TRPV3: variants seen among roughly 807,000 people sequenced by gnomAD.
TRPV3 encodes transient receptor potential cation channel subfamily V member 3, also known as VRL-3.
A neutral mutation model predicts 87.1 loss-of-function variants in TRPV3; 88 were observed. The observed-to-expected ratio is 1.01, with a 90% CI of 0.85 to 1.21. The LOEUF is 1.21. Among genes scored for constraint, TRPV3 ranks in the 50% most tolerant of loss-of-function variants. The pLI is 0.00. For synonymous variants in TRPV3, 438 were observed against 423.3 expected, an observed-to-expected ratio of 1.03 and a Z score of -0.43; for missense variants, 1,054 against 1,030.1, an observed-to-expected ratio of 1.02 and a Z score of -0.32.
At chr17:3,525,228 C>T (rs1323311729) in intron 12 of TRPV3, among the ~76,000 whole-genome samples, 1 of 152,186 alleles carries the variant, frequency 6.6e-6, no homozygotes, top group Non-Finnish European at 1.5e-5. Flanking sequence ...CCATGTTGGC[C>T]AGGCTGGTCT....
At position 3,554,567 on chromosome 17, in the gene TRPV3, C is replaced by G; in HGVS notation, c.119+165G>C. On this transcript the variant is annotated intron_variant, in intron 2 of 17. Transcript: ENST00000576742. The stretch of plus-strand genomic sequence containing the variant: ...TCAGCCCCCTGAGTGTGCTGTGCTC[C>G]CCACCGCACCATCCCCTAGTCATAC... 5.1e-6 allele frequency: 3 copies of G among 583,306 alleles called. No homozygotes were observed. In the South Asian group the frequency reaches 6.6e-5, roughly 13 times the overall value. The allele number at this position is 583,306 out of a possible 1,614,324, so 36.1% of individuals were successfully genotyped here. A position where few individuals can be genotyped will look rare whatever the true frequency, so the allele number is the denominator to read the frequency against.
Position 3,535,330 on chromosome 17 carries a change from CCTTCCT to C in TRPV3, c.784+237_784+242del, listed in dbSNP as rs2074397424. Among the ~76,000 whole-genome samples the C allele has an allele frequency of 2.3e-5, 3 of 127,908 alleles. No homozygotes were observed. In the South Asian group the frequency reaches 8.6e-4, roughly 37 times the overall value. The allele number at this position is 127,908 out of a possible 152,430, so 83.9% of individuals were successfully genotyped here. On this transcript the variant is annotated intron_variant, in intron 7 of 17. Coordinates refer to ENST00000576742, the MANE Select transcript of TRPV3 (RefSeq NM_145068.4). Reference sequence around the variant, plus strand: ...CCTCTTCCTTTCTCCCTCCTCCCTTCCTTCCTCTCCCTCCTCCCTTCCTTCCTCCCT... The same window carrying C: ...CCTCTTCCTTTCTCCCTCCTCCCTTCCTCCCTCCTCCCTTCCTTCCTCCCT...
At position 3,522,827 on chromosome 17, in the gene TRPV3, A is replaced by C. The variant is rs866367534; in HGVS notation, c.1743+1371T>G. 7.3e-3 allele frequency among the ~76,000 whole-genome samples: 1,117 copies of C among 152,094 alleles called. 14 individuals carry two copies. The highest frequency in any genetic ancestry group is 0.023 in the African/African-American group (968 of 41,492). On this transcript the variant is annotated intron_variant, in intron 13 of 17. Coordinates refer to ENST00000576742, the MANE Select transcript of TRPV3 (RefSeq NM_145068.4). ...GCGAGACTCAGTCACAAACAAAAAA[A>C]AAAAAAAAAAGCAAAAATTATTCTA...
intron 6 of TRPV3, among the ~76,000 whole-genome samples, chr17:3,539,279 GTA>G (rs2074436624): frequency 6.6e-6 from 1 of 151,454 alleles, no homozygotes; most frequent in Non-Finnish European, 1.5e-5. Flanking sequence ...ACTCCACAAA[GTA>G]TATGGGTAAA....
intron 12 of TRPV3, among the ~76,000 whole-genome samples, chr17:3,524,691 G>A (rs548837506): frequency 6.6e-6 from 1 of 151,968 alleles, no homozygotes; most frequent in Non-Finnish European, 1.5e-5. Flanking sequence ...ACCCACACGG[G>A]CCTGGTGTAG....
rs1415701565 is a variant in TRPV3, at chr17:3,518,274, T to C, written c.2085+302A>G. ...CTGTCACCTCCACTGTCCTAGACGC[T>C]GTACTCCTCTTAATGCAACCTAAGG... On this transcript the variant is annotated intron_variant, in intron 15 of 17. Transcript: ENST00000576742. This position sits in a 1 kb window ranked among gnomAD's most constrained non-coding sequence, Gnocchi z 4.3. Among the ~76,000 whole-genome samples the C allele has an allele frequency of 6.6e-6, 1 of 152,216 alleles. No individual in the cohort carries two copies. The highest frequency in any genetic ancestry group is 1.5e-5 in the Non-Finnish European group (1 of 68,036).
chr17:3,529,072 C>T (rs961814636), intron 9 of TRPV3, 77 bp from the exon 10 acceptor site: 6 of 1,539,466 alleles, frequency 3.9e-6, no homozygotes, highest in African/African-American at 1.4e-5. Flanking sequence ...CCTGCGGGAG[C>T]TCTGAGTCAG....
rs758789364 is a variant in TRPV3 at position 3,524,336 on chromosome 17, C to T, written c.1605G>A (p.Leu535=). Residue 535 remains leucine (L), a synonymous_variant, in exon 13 of 18, where the codon CTG becomes CTA. Transcript: ENST00000576742. ...AGGCAAACAAGTACAAGAAGACAGA[C>T]AGTATCACAAGCACAGCTTGGATAA... ...VFFIQAVLVI[L]SVFLYLFAYK... The T allele has an allele frequency of 5.6e-6, 9 of 1,614,236 alleles. No homozygotes were observed. Among genetic ancestry groups the T allele is most frequent in the Admixed American group, 3.3e-5 (2 of 60,018 alleles).
chr17:3,526,492 AAAC>A (rs1322210776), intron 12 of TRPV3, among the ~76,000 whole-genome samples: 1 of 151,780 alleles, frequency 6.6e-6, no homozygotes, highest in Admixed American at 6.6e-5. Flanking sequence ...TAAAAAAAAA[AAAC>A]AACAACGTAA....
At chr17:3,525,673 A>G (rs1263661102) in intron 12 of TRPV3, among the ~76,000 whole-genome samples, 4 of 150,686 alleles carry the variant, frequency 2.7e-5, no homozygotes, top group South Asian at 4.2e-4. Context: ...AGGCTGGAGT[A>G]CAGTGGCATG....
chr17:3,539,468 A>G (rs1244808757), intron 6 of TRPV3: 2 of 152,158 alleles, frequency 1.3e-5, no homozygotes, highest in Admixed American at 1.3e-4. Context: ...CCTGGGCAAC[A>G]TGGTGAAACC....
intron 1 of TRPV3, among the ~76,000 whole-genome samples, chr17:3,555,248 G>A (rs1416240291): frequency 6.6e-6 from 1 of 152,132 alleles, no homozygotes; most frequent in Non-Finnish European, 1.5e-5. Context: ...CTCTCCAGCT[G>A]ACCAGTCCCA....
intron 13 of TRPV3, 34 bp from the exon 14 acceptor site, chr17:3,521,073 T>C: frequency 1.4e-6 from 2 of 1,449,176 alleles, no homozygotes; most frequent in South Asian, 1.2e-5. Flanking sequence ...AAGTGTAAGG[T>C]GCAAGCACAT....
chr17:3,543,345 A>T, intron 5 of TRPV3, 129 bp downstream of exon 5: 2 of 1,255,144 alleles, frequency 1.6e-6, no homozygotes, highest in South Asian at 2.8e-5. Context: ...GTCAAGTTCA[A>T]AGTCCCTAGC....
intron 16 of TRPV3, among the ~76,000 whole-genome samples, 181 bp from the exon 17 acceptor site, chr17:3,514,853 T>C (rs906932432): frequency 1.3e-5 from 2 of 151,920 alleles, no homozygotes; most frequent in Non-Finnish European, 2.9e-5. Context: ...TCTATCCCCA[T>C]CTCCACGTCC....
rs1597461843 is a variant in TRPV3, at chr17:3,513,653, G to A, written c.*264C>T. Reference sequence around the variant, plus strand: ...AGAGGCTTCACCCGGGACTTCAGGAGGCTCCCAGGCTCCAGACTGCTGCTG... The same window carrying A: ...AGAGGCTTCACCCGGGACTTCAGGAAGCTCCCAGGCTCCAGACTGCTGCTG... On this transcript the variant is annotated 3_prime_UTR_variant, in exon 18 of 18. Coordinates refer to ENST00000576742, the MANE Select transcript of TRPV3 (RefSeq NM_145068.4). 1 of 373,472 alleles carries A rather than the reference G, an allele frequency of 2.7e-6. No individual in the cohort carries two copies. Among genetic ancestry groups the A allele is most frequent in the Non-Finnish European group, 4.8e-6 (1 of 207,990 alleles). The allele number at this position is 373,472 out of a possible 1,614,324, so 23.1% of individuals were successfully genotyped here.
At chr17:3,529,046 G>A (rs747185885) in intron 9 of TRPV3, 51 bp from the exon 10 acceptor site, 9 of 1,606,140 alleles carry the variant, frequency 5.6e-6, no homozygotes, top group Non-Finnish European at 6.8e-6. Context: ...GAGAGGGAGG[G>A]ACCGTTTTCT....
intron 11 of TRPV3, chr17:3,527,670 A>G: frequency 3.1e-6 from 1 of 320,772 alleles, no homozygotes; most frequent in Non-Finnish European, 5.9e-6. Context: ...GGATAGAAGG[A>G]TGGTCGGTAA....
At chr17:3,534,232 G>A (rs1290299545) in intron 7 of TRPV3, among the ~76,000 whole-genome samples, 1 of 152,000 alleles carries the variant, frequency 6.6e-6, no homozygotes, top group Non-Finnish European at 1.5e-5. Flanking sequence ...CCAGAGCACA[G>A]ACTAGCTAGT....
Sources: allele counts gnomAD v4.1 joint callset (sites outside exome capture counted in the v4.1 genomes callset), GRCh38; gene constraint gnomAD v4.1.1; non-coding constraint Gnocchi (gnomAD v3.1); transcripts MANE v1.5; gene names NCBI Gene and HGNC (gene_info 2026-07-23, HGNC 2026-07-21).